The following TPPP variants were observed in gnomAD, a reference collection of about 807,000 sequenced individuals.
The protein encoded by TPPP is tubulin polymerization-promoting protein.
In TPPP, 6 loss-of-function variants were observed where a neutral mutation model predicts 15.5. The ratio of observed to expected loss-of-function variants is 0.39; its 90% CI spans 0.21 to 0.77. The LOEUF (loss-of-function observed/expected upper bound fraction) is 0.77, where lower values mean the gene tolerates loss of function less well. Among genes scored for constraint, TPPP ranks in the 30% least tolerant of loss-of-function variants. TPPP has a pLI of 0.42. For missense variants in TPPP, 269 were observed against 307.2 expected, an observed-to-expected ratio of 0.88 and a Z score of 0.93; for synonymous variants, 146 against 133.9, an observed-to-expected ratio of 1.09 and a Z score of -0.63.
intron 2 of TPPP, among the ~76,000 whole-genome samples, chr5:666,602 C>T (rs527845835): frequency 3.3e-5 from 5 of 151,400 alleles, no homozygotes; most frequent in African/African-American, 9.8e-5. Context: ...CGCAGGCCCA[C>T]GCCTCAGATG....
At position 665,846 on chromosome 5, in the gene TPPP, A is replaced by AC. The variant is rs35212980; in HGVS notation, c.465+123dup. ...CGCCCTCCTGACCACGCCTCCCAGGACCCCCCCCAGGTCACGCCCCCAATC... is the reference window on the plus strand; with the variant it reads ...CGCCCTCCTGACCACGCCTCCCAGGACCCCCCCCCAGGTCACGCCCCCAATC... On this transcript the variant is annotated intron_variant, in intron 3 of 3. Transcript: ENST00000360578. 170 of 111,492 alleles carry AC rather than the reference A, an allele frequency of 1.5e-3. 1 individual carries two copies. The highest frequency in any genetic ancestry group is 5.1e-3 in the Middle Eastern group (1 of 196). 6.9% of individuals were successfully genotyped at this position (111,492 alleles called of 1,614,324 possible).
chr5:696,428 G>C (rs539086021), upstream of TPPP, among the ~76,000 whole-genome samples: 1 of 145,852 alleles, frequency 6.9e-6, no homozygotes, highest in East Asian at 1.9e-4. Flanking sequence ...CCCACCCCTG[G>C]CAGCTGAATG....
intron 2 of TPPP, among the ~76,000 whole-genome samples, chr5:673,959 G>T (rs1032920124): frequency 6.6e-6 from 1 of 152,246 alleles, no homozygotes; most frequent in Non-Finnish European, 1.5e-5. Context: ...GTGCACATGC[G>T]GCCATGTGCA....
At chr5:688,440 G>T (rs1374194160) in intron 1 of TPPP, among the ~76,000 whole-genome samples, 1 of 151,130 alleles carries the variant, frequency 6.6e-6, no homozygotes, top group Non-Finnish European at 1.5e-5. Context: ...TGCCCACCAC[G>T]TGGCTTCTGG....
chr5:691,824 C>A (rs1740878104), intron 1 of TPPP, among the ~76,000 whole-genome samples: 1 of 100,836 alleles, frequency 9.9e-6, no homozygotes, highest in African/African-American at 3.3e-5. Context: ...GCCCTCAACC[C>A]CCATCAAAAC....
At chr5:678,804 C>T (rs532118307) in intron 1 of TPPP, among the ~76,000 whole-genome samples, 30 of 152,306 alleles carry the variant, frequency 2.0e-4, no homozygotes, top group Middle Eastern at 6.8e-3. Context: ...CCAGAGTAGG[C>T]GGCTGGGCCA....
intron 2 of TPPP, among the ~76,000 whole-genome samples, chr5:668,726 A>C (rs1319767300): frequency 1.3e-5 from 2 of 152,174 alleles, no homozygotes; most frequent in Middle Eastern, 3.2e-3. Context: ...TCACACATAA[A>C]CGCAAATGTT....
chr5:678,715 T>C (rs983162878), intron 1 of TPPP, among the ~76,000 whole-genome samples: 2 of 151,860 alleles, frequency 1.3e-5, no homozygotes, highest in Admixed American at 1.3e-4. Context: ...GGACTGCCAG[T>C]GTGCAGGGCT....
chr5:699,391 G>A, the TPPP span, among the ~76,000 whole-genome samples: 52 of 152,180 alleles, frequency 3.4e-4, no homozygotes, highest in East Asian at 7.7e-3. Flanking sequence ...TTCAATAAAT[G>A]GTGCTGGGAA....
intron 3 of TPPP, 30 bp downstream of exon 3, chr5:665,940 G>A (rs1212803045): frequency 3.3e-5 from 9 of 274,222 alleles, no homozygotes; most frequent in South Asian, 1.4e-4. Flanking sequence ...ACCCCCTCCA[G>A]GCCCCGCCTT....
intron 2 of TPPP, among the ~76,000 whole-genome samples, chr5:670,951 A>C (rs1326975192): frequency 6.6e-6 from 1 of 152,088 alleles, no homozygotes; most frequent in Non-Finnish European, 1.5e-5. Flanking sequence ...CCTGCACCCT[A>C]CTTGGCTCAG....
chr5:675,168 GAA>G, intron 2 of TPPP, among the ~76,000 whole-genome samples: 1 of 134,976 alleles, frequency 7.4e-6, no homozygotes. Flanking sequence ...GTGTGGCTGA[GAA>G]TGCAACATGG....
chr5:665,303 G>C lies in TPPP; in HGVS notation c.466-7C>G, dbSNP rs1315182185. The C allele has an allele frequency of 6.2e-7, 1 of 1,609,130 alleles. No individual in the cohort carries two copies. Among genetic ancestry groups the C allele is most frequent in the African/African-American group, 1.3e-5 (1 of 74,838 alleles). ...TGGGCGACGAGATGGCTTTCTGCAA[G>C]AGGAGCAGGAGGAAGGGGGCAGGTG... On this transcript the variant is annotated splice_polypyrimidine_tract_variant and splice_region_variant and intron_variant, in intron 3 of 3. Coordinates refer to ENST00000360578, the MANE Select transcript of TPPP (RefSeq NM_007030.3).
rs371449720 is a variant in TPPP, at chr5:673,999, C to T, written c.311+3751G>A. Among the ~76,000 whole-genome samples the T allele has an allele frequency of 3.3e-5, 5 of 152,354 alleles. No homozygotes were observed. In the East Asian group the frequency reaches 5.8e-4, roughly 18 times the overall value. On this transcript the variant is annotated intron_variant, in intron 2 of 3. Transcript: ENST00000360578. ...CACATGCGCCATAGTTTGAAAGCAA[C>T]TTTCTGCAGAAGGAATCACAGCCGG...
intron 2 of TPPP, among the ~76,000 whole-genome samples, chr5:676,787 CAGAA>C (rs1180470096): frequency 6.6e-6 from 1 of 152,008 alleles, no homozygotes; most frequent in Admixed American, 6.5e-5. Flanking sequence ...ACACATGACA[CAGAA>C]ACGCACGTGC....
chr5:672,271 CCTGGCCCTGCTGTTCTCAGTCTCCCA>C lies in TPPP; in HGVS notation c.311+5453_311+5478del, dbSNP rs767484953. 3.2e-3 allele frequency among the ~76,000 whole-genome samples: 487 copies of C among 152,302 alleles called. 4 individuals are homozygous for C. Among genetic ancestry groups the C allele is most frequent in the Middle Eastern group, 3.4e-3 (1 of 294 alleles). Reference sequence around the variant, plus strand: ...CGGGGCAACCGCAGACCCCAGGGAGCCTGGCCCTGCTGTTCTCAGTCTCCCACTGGCCCTGGCTTCCTTCTAACCAG... The same window carrying C: ...CGGGGCAACCGCAGACCCCAGGGAGCCTGGCCCTGGCTTCCTTCTAACCAG... On this transcript the variant is annotated intron_variant, in intron 2 of 3. Transcript: ENST00000360578.
At chr5:668,449 G>A (rs934868292) in intron 2 of TPPP, among the ~76,000 whole-genome samples, 17 of 133,340 alleles carry the variant, frequency 1.3e-4, no homozygotes, top group African/African-American at 3.8e-4. Flanking sequence ...GGGAAGTGCG[G>A]ACAAGCACAC....
At position 664,768 on chromosome 5, in the gene TPPP, C is replaced by T. The variant is rs1258278388; in HGVS notation, c.*334G>A. The T allele has an allele frequency of 1.1e-5, 3 of 268,100 alleles. No individual in the cohort carries two copies. The highest frequency in any genetic ancestry group is 5.0e-5 in the Admixed American group (1 of 19,882). 16.6% of individuals were successfully genotyped at this position (268,100 alleles called of 1,614,324 possible). A position where few individuals can be genotyped will look rare whatever the true frequency, so the allele number is the denominator to read the frequency against. Reference sequence around the variant, plus strand: ...GGAGGTCAGCACAGCCTCCTGTTGCCATGACAGCCAGCTGCTTTAAAACGC... The same window carrying T: ...GGAGGTCAGCACAGCCTCCTGTTGCTATGACAGCCAGCTGCTTTAAAACGC... On this transcript the variant is annotated 3_prime_UTR_variant, in exon 4 of 4. Coordinates refer to ENST00000360578, the MANE Select transcript of TPPP (RefSeq NM_007030.3).
In TPPP at chr5:661,125, G is replaced by GCT. The variant is rs1330872603; in HGVS notation, c.*3975_*3976dup. 6.6e-6 allele frequency: 1 copy of GCT among 152,272 alleles called. No homozygotes were observed. The highest frequency in any genetic ancestry group is 2.4e-5 in the African/African-American group (1 of 41,374). 9.4% of individuals were successfully genotyped at this position (152,272 alleles called of 1,614,324 possible). On this transcript the variant is annotated 3_prime_UTR_variant, in exon 4 of 4. Transcript: ENST00000360578. ...CTCTGGCGTGAACAGTCTTCTCAGC[G>GCT]CTCTCCCTCTGCCTTTCTCCTTTCC...
Sources: gnomAD v4.1 joint callset for allele counts (sites outside exome capture counted in the v4.1 genomes callset) on GRCh38, gnomAD v4.1.1 for gene constraint, MANE v1.5 for transcripts, NCBI Gene and HGNC (gene_info 2026-07-23, HGNC 2026-07-21) for gene names.